DIAPH3: variants seen among roughly 807,000 people sequenced by gnomAD.
DIAPH3 encodes diaphanous related formin 3.
Under a neutral mutation model 144.3 loss-of-function variants are expected in DIAPH3, and 117 were observed. The ratio of observed to expected loss-of-function variants is 0.81; its 90% confidence interval spans 0.70 to 0.95. The LOEUF is 0.95. Among genes scored for constraint, DIAPH3 ranks in the 40% least tolerant of loss-of-function variants. The probability of loss-of-function intolerance (pLI) is 0.00; values close to 1 mark genes in which losing one functional copy is unlikely to be tolerated. For synonymous variants in DIAPH3, 519 were observed against 488.9 expected (o/e 1.06, Z -0.81); for missense variants, 1,421 against 1,412.7 (o/e 1.01, Z -0.09).
At chr13:59,802,652 A>T (rs2039973047) in intron 25 of DIAPH3, among the ~76,000 whole-genome samples, 1 of 24,128 alleles carries the variant, frequency 4.1e-5, no homozygotes, top group Non-Finnish European at 8.8e-5. Context: ...CTATATTATT[A>T]TTATTATTAT....
At chr13:59,746,857 A>C (rs2036730911) in intron 27 of DIAPH3, among the ~76,000 whole-genome samples, 1 of 152,216 alleles carries the variant, frequency 6.6e-6, no homozygotes, top group African/African-American at 2.4e-5. Context: ...AAATAGTGAT[A>C]GTTTCTGGCT....
intron 18 of DIAPH3, among the ~76,000 whole-genome samples, chr13:59,922,980 A>G (rs755490459): frequency 4.6e-5 from 7 of 152,144 alleles, no homozygotes; most frequent in Non-Finnish European, 1.0e-4. Flanking sequence ...CCCTACCTAT[A>G]CTGTTAATGC....
chr13:59,721,710 C>T (rs988939904), intron 27 of DIAPH3, among the ~76,000 whole-genome samples: 8 of 152,094 alleles, frequency 5.3e-5, no homozygotes, highest in Non-Finnish European at 7.3e-5. Context: ...ATAATGGCAA[C>T]GACAGTGGGC....
chr13:60,092,130 A>T (rs11840052), intron 4 of DIAPH3, among the ~76,000 whole-genome samples: 5,672 of 152,166 alleles, frequency 0.037, 168 homozygotes, highest in East Asian at 0.1. Flanking sequence ...TTTAACTCTG[A>T]TAATGAGTCC....
At chr13:59,832,328 C>T (rs1035261953) in intron 24 of DIAPH3, among the ~76,000 whole-genome samples, 1 of 151,796 alleles carries the variant, frequency 6.6e-6, no homozygotes, top group Admixed American at 6.6e-5. Context: ...ACAACCTCAG[C>T]AATAAAGTTT....
intron 3 of DIAPH3, among the ~76,000 whole-genome samples, 167 bp downstream of exon 3, chr13:60,111,843 T>A (rs2058577610): frequency 6.6e-6 from 1 of 152,210 alleles, no homozygotes; most frequent in Non-Finnish European, 1.5e-5. Context: ...TTCTTCAGAT[T>A]TCATATTTTT....
intron 20 of DIAPH3, among the ~76,000 whole-genome samples, chr13:59,884,084 T>C (rs533555613): frequency 1.3e-5 from 2 of 152,228 alleles, no homozygotes; most frequent in African/African-American, 2.4e-5. Context: ...CTGCTCCCTA[T>C]TGCTTGCATT....
At position 59,861,522 on chromosome 13, in the gene DIAPH3, T is replaced by C; in HGVS notation, c.2622A>G (p.Lys874=). 1 of 1,613,734 alleles carries C rather than the reference T, an allele frequency of 6.2e-7. No homozygotes were observed. The highest frequency in any genetic ancestry group is 8.5e-7 in the Non-Finnish European group (1 of 1,179,842). ...LSSLCKLKDT[K]SADQKTTLLH... ...GTAGCGTTGTTTTCTGATCTGCTGA[T>C]TTTGTGTCCTTTAGCTAAATAGAAC... is the stretch of plus-strand genomic sequence containing the variant. Residue 874 remains lysine, a synonymous_variant, in exon 22 of 28, where the codon AAA becomes AAG. Coordinates refer to ENST00000400324, the MANE Select transcript of DIAPH3 (RefSeq NM_001042517.2).
intron 21 of DIAPH3, among the ~76,000 whole-genome samples, chr13:59,865,363 G>C (rs997435241): frequency 1.3e-5 from 2 of 151,964 alleles, no homozygotes; most frequent in East Asian, 3.8e-4. Context: ...TGTTAATTTT[G>C]TTGAAGATGA....
chr13:59,863,952 A>G (rs2043757784), intron 21 of DIAPH3, among the ~76,000 whole-genome samples: 1 of 152,166 alleles, frequency 6.6e-6, no homozygotes, highest in Non-Finnish European at 1.5e-5. Context: ...TAAGAAAATG[A>G]AACAACATAG....
intron 9 of DIAPH3, among the ~76,000 whole-genome samples, chr13:60,003,647 C>T (rs1432397053): frequency 1.3e-5 from 2 of 151,896 alleles, no homozygotes; most frequent in Non-Finnish European, 2.9e-5. Context: ...GATCTCGGCT[C>T]ACTGCAAGCA....
rs2045136341 is a variant in DIAPH3 at position 59,882,535 on chromosome 13, G to T, written c.2368-3067C>A. 2.0e-5 allele frequency among the ~76,000 whole-genome samples: 3 copies of T among 152,084 alleles called. No individual in the cohort carries two copies. The South Asian group carries it at 6.2e-4, about 32-fold the overall frequency. On this transcript the variant is annotated intron_variant, in intron 20 of 27. Transcript: ENST00000400324. ...ACTTCTCATATTCTATCAACACTGG[G>T]GATTTGCATTCTGTTTTCCTGCTAA...
intron 7 of DIAPH3, 101 bp from the exon 8 acceptor site, chr13:60,010,770 T>G (rs1216348389): frequency 2.0e-5 from 24 of 1,182,412 alleles, no homozygotes; most frequent in Non-Finnish European, 2.8e-5. Flanking sequence ...TAGGACATTT[T>G]TACACTTACT....
At chr13:60,092,705 A>G (rs1210335795) in intron 4 of DIAPH3, among the ~76,000 whole-genome samples, 2 of 152,198 alleles carry the variant, frequency 1.3e-5, no homozygotes, top group Non-Finnish European at 2.9e-5. Flanking sequence ...AGTGATTTCT[A>G]TACCTGAAGA....
At chr13:59,744,145 T>C (rs1197087103) in intron 27 of DIAPH3, among the ~76,000 whole-genome samples, 2 of 152,204 alleles carry the variant, frequency 1.3e-5, no homozygotes, top group Non-Finnish European at 2.9e-5. Flanking sequence ...TGTATATAAC[T>C]TTTCAGTAAA....
At chr13:60,083,803 C>G (rs1399525219) in intron 4 of DIAPH3, among the ~76,000 whole-genome samples, 1 of 151,898 alleles carries the variant, frequency 6.6e-6, no homozygotes, top group African/African-American at 2.4e-5. Flanking sequence ...CTCTGGAAAG[C>G]TGAGGTTGGA....
At chr13:60,038,000 G>A (rs573119144) in intron 5 of DIAPH3, among the ~76,000 whole-genome samples, 1 of 152,044 alleles carries the variant, frequency 6.6e-6, no homozygotes, top group South Asian at 2.1e-4. Flanking sequence ...TTAACATACA[G>A]TTCAAAAACA....
intron 3 of DIAPH3, among the ~76,000 whole-genome samples, chr13:60,107,957 C>T (rs1261802595): frequency 1.3e-5 from 2 of 152,120 alleles, no homozygotes; most frequent in African/African-American, 2.4e-5. Flanking sequence ...GGTATGAATG[C>T]ATGAAAAAAG....
intron 1 of DIAPH3, 134 bp downstream of exon 1, chr13:60,163,453 G>A (rs1952395209): frequency 1.2e-5 from 15 of 1,262,408 alleles, no homozygotes; most frequent in Non-Finnish European, 1.5e-5. Context: ...CCCGGTCGTT[G>A]TCAATCTATG....
Sources: allele counts gnomAD v4.1 joint callset (sites outside exome capture counted in the v4.1 genomes callset), GRCh38; gene constraint gnomAD v4.1.1; transcripts MANE v1.5; gene names NCBI Gene and HGNC (gene_info 2026-07-23, HGNC 2026-07-21).